Variants in CEP112 observed in about 807,000 individuals in gnomAD.
CEP112 encodes centrosomal protein of 112 kDa.
CEP112 carries 127 observed loss-of-function variants against 153.0 expected under a neutral mutation model. The ratio of observed to expected loss-of-function variants is 0.83; its 90% CI spans 0.72 to 0.96. The LOEUF is 0.96. Among genes scored for constraint, CEP112 ranks in the 40% least tolerant of loss-of-function variants. The probability of loss-of-function intolerance (pLI) is 0.00; values close to 1 mark genes in which losing one functional copy is unlikely to be tolerated. For synonymous variants in CEP112, 358 were observed against 374.4 expected (o/e 0.96, Z 0.51); for missense variants, 1,089 against 1,101.2 (o/e 0.99, Z 0.16).
chr17:66,032,366 A>C (rs1208432904), intron 12 of CEP112, among the ~76,000 whole-genome samples: 1 of 143,290 alleles, frequency 7.0e-6, no homozygotes, highest in East Asian at 1.9e-4. Flanking sequence ...AAAAAAAAAA[A>C]AACTCAGAAA....
chr17:65,716,102 G>A (rs529490887), intron 23 of CEP112, among the ~76,000 whole-genome samples: 19 of 152,020 alleles, frequency 1.2e-4, no homozygotes, highest in African/African-American at 4.3e-4. Flanking sequence ...AATAAGAAAC[G>A]AACGCATGGT....
intron 23 of CEP112, among the ~76,000 whole-genome samples, chr17:65,720,907 T>C (rs903123739): frequency 3.3e-5 from 5 of 152,272 alleles, no homozygotes; most frequent in Middle Eastern, 3.4e-3. Context: ...GTTAAATAAC[T>C]TGTTTGAGAT....
At chr17:65,882,643 AG>A in intron 20 of CEP112, among the ~76,000 whole-genome samples, 1 of 152,360 alleles carries the variant, frequency 6.6e-6, no homozygotes, top group African/African-American at 2.4e-5. Context: ...GATTCAAAAC[AG>A]ACAACATATA....
chr17:65,641,212 AAG>A, intron 24 of CEP112, 147 bp from the exon 25 acceptor site: 1 of 566,826 alleles, frequency 1.8e-6, no homozygotes, highest in Non-Finnish European at 3.1e-6. Flanking sequence ...AATAAGAAGA[AAG>A]AGTTAAAAAC....
At chr17:66,117,484 A>T (rs2069355693) in intron 6 of CEP112, among the ~76,000 whole-genome samples, 1 of 152,194 alleles carries the variant, frequency 6.6e-6, no homozygotes, top group South Asian at 2.1e-4. Flanking sequence ...TAACTTTTTG[A>T]ATTTTTTAAA....
chr17:65,936,416 T>C, intron 18 of CEP112, among the ~76,000 whole-genome samples: 1 of 152,114 alleles, frequency 6.6e-6, no homozygotes, highest in East Asian at 1.9e-4. Flanking sequence ...TCCAAACTCA[T>C]ATCATAAGGC....
At chr17:66,076,633 G>A (rs780300171) in intron 8 of CEP112, among the ~76,000 whole-genome samples, 26 of 152,126 alleles carry the variant, frequency 1.7e-4, no homozygotes, top group Non-Finnish European at 3.1e-4. Flanking sequence ...ACTGGTAGCT[G>A]AAGACAAAGG....
At chr17:65,970,222 CCATGCATATATGCATGT>C (rs2062629054) in intron 17 of CEP112, among the ~76,000 whole-genome samples, 2 of 42,950 alleles carry the variant, frequency 4.7e-5, no homozygotes, top group South Asian at 2.7e-3. Flanking sequence ...CATGCATATA[CCATGCATATATGCATGT>C]ATATTACATG....
chr17:65,814,977 T>C (rs1396128781), intron 21 of CEP112, among the ~76,000 whole-genome samples: 2 of 152,160 alleles, frequency 1.3e-5, no homozygotes, highest in Non-Finnish European at 2.9e-5. Context: ...CAAGACTAGT[T>C]TGTCTTTTTA....
intron 21 of CEP112, among the ~76,000 whole-genome samples, chr17:65,803,366 C>T (rs187387731): frequency 6.6e-4 from 100 of 152,246 alleles, no homozygotes; most frequent in African/African-American, 2.2e-3. Context: ...ATAACTAAAA[C>T]AATAAATGAA....
chr17:65,650,730 TAAAAAAAAAAA>T (rs71361240), intron 24 of CEP112, among the ~76,000 whole-genome samples: 3 of 44,234 alleles, frequency 6.8e-5, no homozygotes, highest in South Asian at 1.9e-3. Flanking sequence ...AACTCTCTAC[TAAAAAAAAAAA>T]AAAAAAAAAA....
chr17:65,743,243 C>T (rs1166364969), intron 22 of CEP112, 26 bp from the exon 23 acceptor site: 3 of 1,566,842 alleles, frequency 1.9e-6, no homozygotes, highest in Non-Finnish European at 2.6e-6. Flanking sequence ...CATGCTATAA[C>T]TTCAAATTCT....
chr17:66,023,144 A>T (rs1239944032), intron 16 of CEP112, among the ~76,000 whole-genome samples: 1 of 152,216 alleles, frequency 6.6e-6, no homozygotes. Flanking sequence ...AAACCTATTT[A>T]AGGAAATAAT....
chr17:65,640,964 C>T lies in CEP112; in HGVS notation c.2799G>A (p.Gln933=), dbSNP rs145383853. The change falls in exon 25 of 27, where the codon CAG becomes CAA. Residue 933 remains glutamine (Q), a splice_region_variant and synonymous_variant. Coordinates refer to ENST00000535342, the MANE Select transcript of CEP112 (RefSeq NM_001199165.4). ...AAAATGCCTTGATTCTAGTAATTAC[C>T]TGTGATTTTAGGGAGGAAATGGTGT... ...LEDTISSLKS[Q]VNFLQKRASI... is the part of the protein sequence containing the mutation. The T allele has an allele frequency of 1.9e-4, 299 of 1,542,858 alleles. No individual in the cohort carries two copies. In the African/African-American group the frequency reaches 3.8e-3, roughly 19 times the overall value.
chr17:65,947,903 T>A (rs2061697657), intron 18 of CEP112, among the ~76,000 whole-genome samples: 1 of 152,146 alleles, frequency 6.6e-6, no homozygotes, highest in African/African-American at 2.4e-5. Flanking sequence ...AAAGGCTGAT[T>A]TAAAATTACA....
In CEP112 at chr17:65,852,044, A is replaced by G. The variant is rs1441312466; in HGVS notation, c.2164-10T>C. 2.5e-6 allele frequency: 4 copies of G among 1,569,512 alleles called. No individual in the cohort carries two copies. Among genetic ancestry groups the G allele is most frequent in the Non-Finnish European group, 3.5e-6 (4 of 1,154,718 alleles). ...CCATGTCGGCAATAACCTTGTTTTT[A>G]AAAATGGAAAAATGGGCAGAAGATA... On this transcript the variant is annotated splice_polypyrimidine_tract_variant and intron_variant, in intron 20 of 26. Coordinates refer to ENST00000535342, the MANE Select transcript of CEP112 (RefSeq NM_001199165.4).
intron 1 of CEP112, among the ~76,000 whole-genome samples, chr17:66,184,542 A>G (rs2072850643): frequency 6.6e-6 from 1 of 152,222 alleles, no homozygotes; most frequent in Admixed American, 6.5e-5. Context: ...CATTACAGAA[A>G]TGCAAATTAA....
At chr17:65,870,065 G>GAAAGAAAGAAAGAAAAGA (rs1555689542) in intron 20 of CEP112, among the ~76,000 whole-genome samples, 6 of 79,238 alleles carry the variant, frequency 7.6e-5, no homozygotes, top group African/African-American at 2.3e-4. Flanking sequence ...AAGAAAGAAA[G>GAAAGAAAGAAAGAAAAGA]AAAGAAAGAA....
At chr17:66,158,943 A>G (rs548892500) in intron 4 of CEP112, among the ~76,000 whole-genome samples, 2 of 152,316 alleles carry the variant, frequency 1.3e-5, no homozygotes, top group East Asian at 3.9e-4. Context: ...AACAAAATAG[A>G]TAGATCACTA....
Sources: allele counts gnomAD v4.1 joint callset (sites outside exome capture counted in the v4.1 genomes callset), GRCh38; gene constraint gnomAD v4.1.1; transcripts MANE v1.5; gene names NCBI Gene and HGNC (gene_info 2026-07-23, HGNC 2026-07-21).